TMEM74: variants seen among roughly 807,000 people sequenced by gnomAD.
TMEM74 encodes the protein transmembrane protein 74.
TMEM74 carries 13 observed loss-of-function variants against 18.1 expected under a neutral mutation model. The observed-to-expected ratio is 0.72, with a 90% CI of 0.47 to 1.14. The LOEUF (loss-of-function observed/expected upper bound fraction) is 1.14. Among genes scored for constraint, TMEM74 ranks in the 50% most tolerant of loss-of-function variants. The pLI is 0.00. For missense variants in TMEM74, 372 were observed against 375.9 expected, an observed-to-expected ratio of 0.99 and a Z score of 0.09; for synonymous variants, 159 against 146.6, an observed-to-expected ratio of 1.08 and a Z score of -0.61.
At chr8:108,629,672 C>A (rs1052206353) in intron 2 of TMEM74, among the ~76,000 whole-genome samples, 3 of 151,862 alleles carry the variant, frequency 2.0e-5, no homozygotes, top group African/African-American at 4.8e-5. Context: ...AGAGTGGGGG[C>A]CAACATTCAA....
intron 2 of TMEM74, among the ~76,000 whole-genome samples, chr8:108,618,547 G>A (rs78921384): frequency 0.012 from 1,822 of 152,200 alleles, 46 homozygotes; most frequent in African/African-American, 0.042. Context: ...TAGCTCTGTG[G>A]CTGGTTATCA....
intron 1 of TMEM74, among the ~76,000 whole-genome samples, chr8:108,669,987 G>A (rs145010240): frequency 0.015 from 2,152 of 143,400 alleles, 32 homozygotes; most frequent in Non-Finnish European, 0.019. Context: ...ACAGTGAGCC[G>A]AGATTGCACC....
intron 2 of TMEM74, among the ~76,000 whole-genome samples, chr8:108,622,319 T>C (rs1045467197): frequency 6.6e-6 from 1 of 152,118 alleles, no homozygotes; most frequent in Non-Finnish European, 1.5e-5. Flanking sequence ...GGGTAGATGT[T>C]GTCAGCTCAG....
chr8:108,725,167 TA>T (rs1813624183), intron 1 of TMEM74, among the ~76,000 whole-genome samples: 1 of 152,222 alleles, frequency 6.6e-6, no homozygotes, highest in Non-Finnish European at 1.5e-5. Context: ...GATCGCTCAT[TA>T]AAGACACTTC....
intron 1 of TMEM74, among the ~76,000 whole-genome samples, chr8:108,697,272 G>A (rs1247856638): frequency 6.6e-6 from 1 of 152,156 alleles, no homozygotes; most frequent in Non-Finnish European, 1.5e-5. Context: ...TGTGACAAAG[G>A]AGTCACAGAT....
At chr8:108,696,519 G>T (rs1813283067) in intron 1 of TMEM74, among the ~76,000 whole-genome samples, 1 of 152,178 alleles carries the variant, frequency 6.6e-6, no homozygotes, top group Non-Finnish European at 1.5e-5. Context: ...GTAGCAAATT[G>T]AAACACCATG....
intron 1 of TMEM74, among the ~76,000 whole-genome samples, chr8:108,661,917 GA>G (rs1452939367): frequency 6.6e-6 from 1 of 152,110 alleles, no homozygotes; most frequent in African/African-American, 2.4e-5. Flanking sequence ...TGAAAGGAAG[GA>G]AATAATAACA....
chr8:108,684,965 T>C (rs1813153961), intron 1 of TMEM74, among the ~76,000 whole-genome samples: 1 of 152,138 alleles, frequency 6.6e-6, no homozygotes, highest in African/African-American at 2.4e-5. Flanking sequence ...TCTATGTCTG[T>C]GAAGAATGTC....
intron 1 of TMEM74, among the ~76,000 whole-genome samples, chr8:108,746,203 T>C (rs78863527): frequency 0.018 from 2,718 of 152,270 alleles, 91 homozygotes; most frequent in African/African-American, 0.062. Context: ...GGAAAATCAT[T>C]TAAGAGGGGA....
intron 1 of TMEM74, among the ~76,000 whole-genome samples, chr8:108,752,861 T>C (rs1440353175): frequency 6.6e-6 from 1 of 152,102 alleles, no homozygotes; most frequent in African/African-American, 2.4e-5. Context: ...TTCTTGTCAG[T>C]ATAACCAGTT....
chr8:108,765,407 C>CTTT (rs61334796), intron 1 of TMEM74, among the ~76,000 whole-genome samples: 4,355 of 120,656 alleles, frequency 0.036, 263 homozygotes, highest in African/African-American at 0.1. Flanking sequence ...TTTGGAACTA[C>CTTT]TTTTTTTTTT....
At chr8:108,745,595 G>GT (rs959271952) in intron 1 of TMEM74, among the ~76,000 whole-genome samples, 7 of 152,156 alleles carry the variant, frequency 4.6e-5, no homozygotes, top group African/African-American at 1.7e-4. Context: ...GTACATATAT[G>GT]TAAGTAGTTG....
intron 1 of TMEM74, among the ~76,000 whole-genome samples, chr8:108,702,071 A>G (rs539655958): frequency 3.2e-4 from 49 of 152,214 alleles, no homozygotes; most frequent in South Asian, 2.1e-3. Context: ...TAGGCCAGGC[A>G]TGGTGGCTCA....
chr8:108,756,695 A>AGAGG (rs1813975193), intron 1 of TMEM74, among the ~76,000 whole-genome samples: 1 of 84,582 alleles, frequency 1.2e-5, no homozygotes, highest in Non-Finnish European at 2.3e-5. Flanking sequence ...AAAGAAAGAA[A>AGAGG]GAAGGAAGGA....
intron 3 of TMEM74, among the ~76,000 whole-genome samples, chr8:108,608,417 T>C (rs1812301053): frequency 6.6e-6 from 1 of 152,166 alleles, no homozygotes; most frequent in Non-Finnish European, 1.5e-5. Flanking sequence ...AATTAGAAGT[T>C]CTTTGAGGTC....
intron 2 of TMEM74, among the ~76,000 whole-genome samples, chr8:108,646,722 A>G (rs1171099089): frequency 6.6e-6 from 1 of 152,100 alleles, no homozygotes; most frequent in East Asian, 1.9e-4. Context: ...CACTCTCAAG[A>G]TATTTAAACA....
intron 1 of TMEM74, among the ~76,000 whole-genome samples, chr8:108,744,936 G>A (rs1018628734): frequency 1.3e-5 from 2 of 152,148 alleles, no homozygotes; most frequent in African/African-American, 4.8e-5. Flanking sequence ...GCATGACTCA[G>A]CCTCCCAGCT....
chr8:108,742,998 C>T (rs978207257), intron 1 of TMEM74, among the ~76,000 whole-genome samples: 2 of 152,176 alleles, frequency 1.3e-5, no homozygotes, highest in Admixed American at 6.5e-5. Context: ...TTGCATTCAG[C>T]ACAAGTGGCA....
chr8:108,701,197 TAAAAAA>T (rs34352264), intron 1 of TMEM74, among the ~76,000 whole-genome samples: 1 of 135,386 alleles, frequency 7.4e-6, no homozygotes, highest in South Asian at 2.6e-4. Flanking sequence ...ATTCATGACT[TAAAAAA>T]AAAAAAAAAA....
Sources: allele counts gnomAD v4.1 joint callset (sites outside exome capture counted in the v4.1 genomes callset), GRCh38; gene constraint gnomAD v4.1.1; transcripts MANE v1.5; gene names NCBI Gene and HGNC (gene_info 2026-07-23, HGNC 2026-07-21).